ITGA1: variants seen among roughly 807,000 people sequenced by gnomAD.
The protein encoded by ITGA1 is integrin alpha-1.
A neutral mutation model predicts 145.9 loss-of-function variants in ITGA1; 85 were observed. That is an observed-to-expected ratio of 0.58 (90% CI 0.49 to 0.70). The LOEUF (loss-of-function observed/expected upper bound fraction) is 0.70. ITGA1 is among the 30% of genes least tolerant of loss of function. The probability of loss-of-function intolerance (pLI) is 0.00; values close to 1 mark genes in which losing one functional copy is unlikely to be tolerated. For missense variants in ITGA1, 1,351 were observed against 1,418.7 expected, an observed-to-expected ratio of 0.95 and a Z score of 0.77; for synonymous variants, 520 against 495.3, an observed-to-expected ratio of 1.05 and a Z score of -0.66.
At chr5:52,940,796 T>A (rs1751043720) in intron 26 of ITGA1, among the ~76,000 whole-genome samples, 1 of 152,222 alleles carries the variant, frequency 6.6e-6, no homozygotes, top group Non-Finnish European at 1.5e-5. Flanking sequence ...ATTTCATTTT[T>A]TAAATTTCAA....
chr5:52,951,382 C>T (rs1751216415), intron 28 of ITGA1, among the ~76,000 whole-genome samples: 1 of 151,978 alleles, frequency 6.6e-6, no homozygotes, highest in Non-Finnish European at 1.5e-5. Flanking sequence ...TTGCAAAGAT[C>T]CCTTCTATCC....
At chr5:52,914,427 A>T (rs1484421945) in intron 14 of ITGA1, among the ~76,000 whole-genome samples, 1 of 152,120 alleles carries the variant, frequency 6.6e-6, no homozygotes, top group African/African-American at 2.4e-5. Flanking sequence ...TCATGAGGCC[A>T]GGAGTTCGAG....
At chr5:52,861,869 CAA>C (rs11335171) in intron 3 of ITGA1, among the ~76,000 whole-genome samples, 61,913 of 119,644 alleles carry the variant, frequency 0.52, 14,960 homozygotes, top group Non-Finnish European at 0.56. Context: ...GACCCTGTCT[CAA>C]AAAAAAAAAA....
Position 52,927,585 on chromosome 5 carries a change from C to G in ITGA1, c.2615C>G (p.Ala872Gly), listed in dbSNP as rs1333944608. The G allele has an allele frequency of 1.2e-5, 20 of 1,604,148 alleles. No individual in the cohort carries two copies. The highest frequency in any genetic ancestry group is 1.7e-5 in the Non-Finnish European group (20 of 1,173,030). The change falls in exon 20 of 29, where the codon GCT becomes GGT. Residue 872 changes from alanine to glycine, a missense_variant and splice_region_variant. Physicochemically the swap from Ala to Gly is moderately conservative, Grantham distance 60. Coordinates refer to ENST00000282588, the MANE Select transcript of ITGA1 (RefSeq NM_181501.2). Reference sequence around the variant, plus strand: ...ATTCTGTTTGCTTTCTCTTCCTAGGCTATCCAAAAAGACAGTTGTGAATCT... The same window carrying G: ...ATTCTGTTTGCTTTCTCTTCCTAGGGTATCCAAAAAGACAGTTGTGAATCT... ...SPNLVFSGIEAIQKDSCESNH... is the reference protein window; with the variant it reads ...SPNLVFSGIEGIQKDSCESNH...
chr5:52,853,535 G>A lies in ITGA1; in HGVS notation c.182+4050G>A, dbSNP rs534788043. ...CCATCTTACGTCGTGACTATAGTACGCCTATAGAAGGAGCACTTGTTAGCC... is the reference window on the plus strand; with the variant it reads ...CCATCTTACGTCGTGACTATAGTACACCTATAGAAGGAGCACTTGTTAGCC... On this transcript the variant is annotated intron_variant, in intron 2 of 28. Transcript: ENST00000282588. Among the ~76,000 whole-genome samples, 47 of 152,224 alleles carry A rather than the reference G, an allele frequency of 3.1e-4. 1 individual carries two copies. In the South Asian group the frequency reaches 8.1e-3, roughly 26 times the overall value.
At chr5:52,888,351 C>G (rs184649171) in intron 8 of ITGA1, among the ~76,000 whole-genome samples, 2 of 152,182 alleles carry the variant, frequency 1.3e-5, no homozygotes, top group East Asian at 3.9e-4. Context: ...AATGCCTTTG[C>G]CTTTAAATAA....
At chr5:52,848,276 G>A (rs1436047512) in intron 1 of ITGA1, among the ~76,000 whole-genome samples, 1 of 152,174 alleles carries the variant, frequency 6.6e-6, no homozygotes, top group African/African-American at 2.4e-5. Flanking sequence ...GAAGCAGCAA[G>A]GACAACATCT....
intron 1 of ITGA1, among the ~76,000 whole-genome samples, chr5:52,811,549 C>T (rs1169503396): frequency 6.6e-6 from 1 of 152,130 alleles, no homozygotes; most frequent in African/African-American, 2.4e-5. Context: ...GGAGCAAATT[C>T]CAGAGCTGAG....
chr5:52,889,695 A>G (rs959078248), intron 8 of ITGA1: 3 of 152,286 alleles, frequency 2.0e-5, no homozygotes, highest in Admixed American at 6.5e-5. Context: ...CTCCCAGGCC[A>G]CAGTGCAGAA....
intron 17 of ITGA1, among the ~76,000 whole-genome samples, chr5:52,921,799 C>T (rs1297493397): frequency 6.6e-6 from 1 of 152,130 alleles, no homozygotes; most frequent in Admixed American, 6.5e-5. Flanking sequence ...TTCTGAGAGA[C>T]TTTGGCAACG....
chr5:52,893,579 G>GTA, intron 8 of ITGA1, 96 bp from the exon 9 acceptor site: 1 of 1,072,340 alleles, frequency 9.3e-7, no homozygotes, highest in Non-Finnish European at 1.3e-6. Flanking sequence ...TTATGCTAAG[G>GTA]TACTCTACAC....
At chr5:52,801,592 G>C (rs749128583) in intron 1 of ITGA1, 5 of 1,614,028 alleles carry the variant, frequency 3.1e-6, no homozygotes, top group Admixed American at 1.7e-5. Flanking sequence ...GAAGGCCAAT[G>C]AAGCCATGGC....
chr5:52,939,281 A>G lies in ITGA1; in HGVS notation c.3079-309A>G, dbSNP rs919811425. On this transcript the variant is annotated intron_variant, in intron 24 of 28. Transcript: ENST00000282588. The stretch of plus-strand genomic sequence containing the variant: ...AGAATTTATAAGCTTATCTTTGATT[A>G]AGGTAATAATGAATGTATTAATCAC... Among the ~76,000 whole-genome samples, 33 of 72,262 alleles carry G rather than the reference A, an allele frequency of 4.6e-4. 2 individuals are homozygous for G. Among genetic ancestry groups the G allele is most frequent in the Admixed American group, 3.3e-3 (24 of 7,360 alleles). 47.4% of individuals were successfully genotyped at this position (72,262 alleles called of 152,430 possible). A position where few individuals can be genotyped will look rare whatever the true frequency, so the allele number is the denominator to read the frequency against.
chr5:52,933,771 C>T (rs1283180160), intron 22 of ITGA1, 123 bp from the exon 23 acceptor site: 3 of 410,778 alleles, frequency 7.3e-6, no homozygotes, highest in Non-Finnish European at 1.3e-5. Flanking sequence ...ATGAATTCCC[C>T]TATGATTTGA....
At chr5:52,874,209 G>T (rs1180590611) in intron 6 of ITGA1, among the ~76,000 whole-genome samples, 1 of 152,148 alleles carries the variant, frequency 6.6e-6, no homozygotes, top group African/African-American at 2.4e-5. Context: ...GCAGCCACGT[G>T]CAAAAAGACC....
chr5:52,838,452 G>A (rs552807967), intron 1 of ITGA1, among the ~76,000 whole-genome samples: 1 of 152,186 alleles, frequency 6.6e-6, no homozygotes, highest in East Asian at 1.9e-4. Flanking sequence ...TTGTTAGTTA[G>A]CTTCATGAAG....
chr5:52,890,093 A>G (rs1750120302), intron 8 of ITGA1: 1 of 152,152 alleles, frequency 6.6e-6, no homozygotes, highest in Non-Finnish European at 1.5e-5. Flanking sequence ...ATAAGCATCC[A>G]TGGACCTACC....
intron 12 of ITGA1, among the ~76,000 whole-genome samples, chr5:52,908,597 C>T (rs1436959500): frequency 3.3e-5 from 5 of 152,152 alleles, no homozygotes; most frequent in Admixed American, 3.3e-4. Flanking sequence ...GTATTACTGA[C>T]CTTTTCTGAT....
intron 10 of ITGA1, 61 bp downstream of exon 10, chr5:52,897,589 C>A (rs112511529): frequency 1.6e-6 from 2 of 1,229,202 alleles, no homozygotes; most frequent in East Asian, 2.3e-5. Context: ...TTCCCAAAAC[C>A]AACATCTAGC....
Sources: allele counts gnomAD v4.1 joint callset (sites outside exome capture counted in the v4.1 genomes callset), GRCh38; gene constraint gnomAD v4.1.1; transcripts MANE v1.5; gene names NCBI Gene and HGNC (gene_info 2026-07-23, HGNC 2026-07-21).